Variants in CNBD1 observed in about 807,000 individuals in gnomAD.
The protein encoded by CNBD1 is cyclic nucleotide binding domain containing 1, also known as cyclic nucleotide-binding domain-containing protein 1.
In CNBD1, 71 loss-of-function variants were observed where a neutral mutation model predicts 54.4. The ratio of observed to expected loss-of-function variants is 1.30; its 90% CI spans 1.08 to 1.59. The LOEUF (loss-of-function observed/expected upper bound fraction) is 1.59. Ranked by LOEUF, CNBD1 falls within the 40% of genes most tolerant of loss-of-function variation. The probability of loss-of-function intolerance (pLI) is 0.00; values close to 1 mark genes in which losing one functional copy is unlikely to be tolerated. For missense variants in CNBD1, 659 were observed against 518.0 expected, an observed-to-expected ratio of 1.27 and a Z score of -2.64; for synonymous variants, 182 against 170.7, an observed-to-expected ratio of 1.07 and a Z score of -0.51.
At chr8:87,227,632 C>T (rs1814535115) in intron 5 of CNBD1, among the ~76,000 whole-genome samples, 1 of 134,150 alleles carries the variant, frequency 7.5e-6, no homozygotes, top group South Asian at 2.4e-4. Flanking sequence ...ATGGGCTTCC[C>T]TTTGAGGGTA....
intron 4 of CNBD1, among the ~76,000 whole-genome samples, chr8:87,143,224 T>C (rs933906460): frequency 6.6e-6 from 1 of 152,170 alleles, no homozygotes; most frequent in Non-Finnish European, 1.5e-5. Flanking sequence ...AGTCTTCATA[T>C]TCTTTTCTCT....
intron 2 of CNBD1, among the ~76,000 whole-genome samples, chr8:87,396,175 A>T (rs1166368940): frequency 6.6e-6 from 1 of 151,924 alleles, no homozygotes; most frequent in Non-Finnish European, 1.5e-5. Context: ...TAGCCCTTTA[A>T]TGTGTTTTCC....
Position 86,977,862 on chromosome 8 carries a change from G to T in CNBD1, c.431+38108G>T, listed in dbSNP as rs558909366. Among the ~76,000 whole-genome samples, 34 of 152,150 alleles carry T rather than the reference G, an allele frequency of 2.2e-4. No individual in the cohort carries two copies. The South Asian group carries it at 6.4e-3, about 29-fold the overall frequency. On this transcript the variant is annotated intron_variant, in intron 4 of 10. Coordinates refer to ENST00000518476, the MANE Select transcript of CNBD1 (RefSeq NM_173538.3). ...ACTCTTTCAAAAACTAAAGAGAAGT[G>T]AATACTTCCAAACCATTTTAAGAGA...
downstream of CNBD1, among the ~76,000 whole-genome samples, chr8:87,384,563 A>C (rs1811147051): frequency 6.6e-6 from 1 of 152,162 alleles, no homozygotes; most frequent in Non-Finnish European, 1.5e-5. Context: ...TGATAGAAAA[A>C]TTAAACTGCA....
At chr8:87,362,620 T>C (rs561556582) in intron 10 of CNBD1, among the ~76,000 whole-genome samples, 1 of 151,988 alleles carries the variant, frequency 6.6e-6, no homozygotes, top group Non-Finnish European at 1.5e-5. Context: ...TTAAGAGGAA[T>C]TTACACCATT....
At chr8:86,943,352 C>A (rs1586151862) in intron 4 of CNBD1, among the ~76,000 whole-genome samples, 1 of 102,356 alleles carries the variant, frequency 9.8e-6, no homozygotes. Context: ...GGTGACAGAG[C>A]AAGACTCCAT....
intron 4 of CNBD1, among the ~76,000 whole-genome samples, chr8:87,127,422 T>C (rs1156885902): frequency 1.3e-5 from 2 of 152,200 alleles, no homozygotes; most frequent in Non-Finnish European, 2.9e-5. Context: ...TATGCTACTT[T>C]AAATTGTATT....
At chr8:87,171,256 G>A (rs1359972728) in intron 4 of CNBD1, among the ~76,000 whole-genome samples, 2 of 151,980 alleles carry the variant, frequency 1.3e-5, no homozygotes, top group South Asian at 4.1e-4. Flanking sequence ...GGTAGGTTGT[G>A]TGTCTCTAGG....
At chr8:87,265,037 G>A (rs1808220465) in intron 6 of CNBD1, among the ~76,000 whole-genome samples, 1 of 152,184 alleles carries the variant, frequency 6.6e-6, no homozygotes, top group Non-Finnish European at 1.5e-5. Context: ...GGCTTTTGTT[G>A]CCATTGCTTT....
chr8:87,386,263 G>C (rs1403681463), downstream of CNBD1, among the ~76,000 whole-genome samples: 1 of 152,188 alleles, frequency 6.6e-6, no homozygotes, highest in African/African-American at 2.4e-5. Flanking sequence ...GCTGGAATGA[G>C]AATGACTTTA....
At chr8:87,060,362 A>G (rs1396410158) in intron 4 of CNBD1, among the ~76,000 whole-genome samples, 1 of 152,242 alleles carries the variant, frequency 6.6e-6, no homozygotes, top group Non-Finnish European at 1.5e-5. Context: ...GTCCTATATT[A>G]CAGCAACTCT....
chr8:87,154,437 G>A (rs1812672713), intron 4 of CNBD1, among the ~76,000 whole-genome samples: 1 of 152,172 alleles, frequency 6.6e-6, no homozygotes, highest in African/African-American at 2.4e-5. Flanking sequence ...CAGTGGCTTA[G>A]AAGCACAAGG....
At chr8:87,411,208 G>A (rs1807735647) in intron 2 of CNBD1, among the ~76,000 whole-genome samples, 1 of 151,332 alleles carries the variant, frequency 6.6e-6, no homozygotes. Context: ...AGCCATCCAA[G>A]GTCAGAGGCT....
chr8:87,372,727 A>G (rs1810839259), intron 10 of CNBD1, among the ~76,000 whole-genome samples: 1 of 151,852 alleles, frequency 6.6e-6, no homozygotes, highest in Non-Finnish European at 1.5e-5. Context: ...TCAAACTTTT[A>G]TGTGGCAACG....
At chr8:87,348,655 G>A (rs189877202) in intron 8 of CNBD1, among the ~76,000 whole-genome samples, 1 of 152,240 alleles carries the variant, frequency 6.6e-6, no homozygotes, top group Admixed American at 6.5e-5. Context: ...TAGACTAGTA[G>A]GCTGAGGTTT....
At chr8:87,121,899 C>T (rs1020479972) in intron 4 of CNBD1, among the ~76,000 whole-genome samples, 5 of 151,248 alleles carry the variant, frequency 3.3e-5, no homozygotes, top group Non-Finnish European at 4.4e-5. Context: ...TATATATATA[C>T]ACACACATAT....
chr8:87,263,577 A>G (rs934920783), intron 6 of CNBD1, among the ~76,000 whole-genome samples: 1 of 152,188 alleles, frequency 6.6e-6, no homozygotes, highest in African/African-American at 2.4e-5. Context: ...CATTATATTC[A>G]CATAGAATAG....
intron 4 of CNBD1, among the ~76,000 whole-genome samples, chr8:87,082,916 T>C (rs1240232775): frequency 6.6e-6 from 1 of 152,214 alleles, no homozygotes; most frequent in Non-Finnish European, 1.5e-5. Context: ...AAAAACTTTT[T>C]AGTGGCTACT....
chr8:87,081,150 G>A (rs892435113), intron 4 of CNBD1, among the ~76,000 whole-genome samples: 3 of 151,802 alleles, frequency 2.0e-5, no homozygotes, highest in Admixed American at 6.6e-5. Context: ...TCTTCTAAAT[G>A]TTTCTCTAAA....
Sources: gnomAD v4.1 joint callset for allele counts (sites outside exome capture counted in the v4.1 genomes callset) on GRCh38, gnomAD v4.1.1 for gene constraint, MANE v1.5 for transcripts, NCBI Gene and HGNC (gene_info 2026-07-23, HGNC 2026-07-21) for gene names.